Variants in CSMD3 observed in about 807,000 individuals in gnomAD.
The protein encoded by CSMD3 is CUB and Sushi multiple domains 3.
CSMD3 carries 177 observed loss-of-function variants against 435.2 expected under a neutral mutation model. The ratio of observed to expected loss-of-function variants is 0.41; its 90% confidence interval spans 0.36 to 0.46. The LOEUF (loss-of-function observed/expected upper bound fraction) is 0.46. Among genes scored for constraint, CSMD3 ranks in the 20% least tolerant of loss-of-function variants. CSMD3 has a pLI of 0.34. For missense variants in CSMD3, 4,265 were observed against 4,504.6 expected (o/e 0.95, Z 1.52); for synonymous variants, 1,656 against 1,520.5 (o/e 1.09, Z -2.07).
intron 51 of CSMD3, among the ~76,000 whole-genome samples, chr8:112,305,251 G>C (rs1281420166): frequency 6.6e-6 from 1 of 151,984 alleles, no homozygotes; most frequent in African/African-American, 2.4e-5. Context: ...GATGTGAATG[G>C]CCTTTTTGTG....
chr8:112,986,833 T>G (rs1009869563), intron 6 of CSMD3, among the ~76,000 whole-genome samples: 1 of 152,070 alleles, frequency 6.6e-6, no homozygotes, highest in Admixed American at 6.6e-5. Flanking sequence ...CTTTTTGACC[T>G]GTTAGTCTTT....
chr8:112,392,519 G>A lies in CSMD3; in HGVS notation c.5810-1731C>T, dbSNP rs557601344. On this transcript the variant is annotated intron_variant, in intron 35 of 70. Coordinates refer to ENST00000297405, the MANE Select transcript of CSMD3 (RefSeq NM_198123.2). ...CATGATTTGAGAATGACATGCAAAA[G>A]ACAGAGGAAGAAATTTAAAATATTC... Among the ~76,000 whole-genome samples the A allele has an allele frequency of 3.3e-5, 5 of 151,952 alleles. No individual in the cohort carries two copies. The East Asian group carries it at 7.7e-4, about 24-fold the overall frequency.
At chr8:112,525,809 TAC>T (rs1290746874) in intron 27 of CSMD3, among the ~76,000 whole-genome samples, 3 of 121,576 alleles carry the variant, frequency 2.5e-5, no homozygotes, top group South Asian at 2.4e-4. Flanking sequence ...TATATATATA[TAC>T]ACACACATAT....
chr8:112,405,214 C>CATATATATATATAT (rs71309768), intron 35 of CSMD3, among the ~76,000 whole-genome samples: 20 of 19,028 alleles, frequency 1.1e-3, no homozygotes, highest in Non-Finnish European at 1.5e-3. Flanking sequence ...AAAAAACCCC[C>CATATATATATATAT]ATATATATAT....
At chr8:112,869,613 C>T (rs560881685) in intron 10 of CSMD3, among the ~76,000 whole-genome samples, 19 of 152,106 alleles carry the variant, frequency 1.2e-4, no homozygotes, top group Non-Finnish European at 2.5e-4. Flanking sequence ...TTTGCAATAG[C>T]AAAGACTTGG....
intron 22 of CSMD3, among the ~76,000 whole-genome samples, chr8:112,602,434 C>T (rs530692266): frequency 7.2e-5 from 11 of 151,802 alleles, no homozygotes; most frequent in Non-Finnish European, 1.2e-4. Flanking sequence ...GGTGTGGTGG[C>T]GGGTGCCTGT....
At chr8:112,864,153 T>C (rs1322784278) in intron 10 of CSMD3, among the ~76,000 whole-genome samples, 1 of 152,212 alleles carries the variant, frequency 6.6e-6, no homozygotes, top group African/African-American at 2.4e-5. Context: ...CACAATATGC[T>C]GTATTATTTT....
intron 5 of CSMD3, among the ~76,000 whole-genome samples, chr8:113,084,164 A>T (rs2089668764): frequency 6.6e-6 from 1 of 152,162 alleles, no homozygotes; most frequent in Non-Finnish European, 1.5e-5. Flanking sequence ...AGAAAGCCAA[A>T]TTATCCTTGT....
intron 12 of CSMD3, among the ~76,000 whole-genome samples, chr8:112,814,427 C>T (rs564285707): frequency 9.0e-4 from 137 of 152,166 alleles, no homozygotes; most frequent in African/African-American, 3.3e-3. Flanking sequence ...TCAGTCTTAT[C>T]TTTATGTAGA....
intron 4 of CSMD3, among the ~76,000 whole-genome samples, chr8:113,148,124 A>G (rs1385679318): frequency 6.6e-6 from 1 of 151,716 alleles, no homozygotes; most frequent in Non-Finnish European, 1.5e-5. Flanking sequence ...GCATATTCTC[A>G]TTTCTAAAGA....
intron 17 of CSMD3, among the ~76,000 whole-genome samples, chr8:112,659,779 G>T (rs1049837072): frequency 6.6e-6 from 1 of 152,022 alleles, no homozygotes; most frequent in Non-Finnish European, 1.5e-5. Context: ...ATGTTTGTTG[G>T]TGTTATTGCT....
intron 9 of CSMD3, among the ~76,000 whole-genome samples, chr8:112,933,256 G>T (rs896974268): frequency 1.3e-5 from 2 of 152,048 alleles, no homozygotes; most frequent in Admixed American, 6.6e-5. Flanking sequence ...TCAGAATTGG[G>T]CTATAGATTC....
rs2093677347 is a variant in CSMD3, at chr8:113,290,306, TAAAG to T, written c.402-11606_402-11603del. Among the ~76,000 whole-genome samples, 5 of 151,796 alleles carry T rather than the reference TAAAG, an allele frequency of 3.3e-5. No homozygotes were observed. In the South Asian group the frequency reaches 1.0e-3, roughly 31 times the overall value. On this transcript the variant is annotated intron_variant, in intron 2 of 70. Transcript: ENST00000297405. ...ATAGTGATGATTAAAGATGTTTTGATAAAGAAACTACTATAGTTTCATCTAGACA... is the reference window on the plus strand; with the variant it reads ...ATAGTGATGATTAAAGATGTTTTGATAAACTACTATAGTTTCATCTAGACA...
intron 10 of CSMD3, among the ~76,000 whole-genome samples, chr8:112,873,741 G>C (rs543252911): frequency 6.6e-6 from 1 of 152,158 alleles, no homozygotes; most frequent in Non-Finnish European, 1.5e-5. Context: ...TTGTATTTCT[G>C]TGGGATCAGT....
chr8:112,482,231 T>C (rs1280229027), intron 31 of CSMD3, among the ~76,000 whole-genome samples: 1 of 152,200 alleles, frequency 6.6e-6, no homozygotes, highest in African/African-American at 2.4e-5. Context: ...AGAGTCATTC[T>C]ATGACAAAGT....
intron 10 of CSMD3, among the ~76,000 whole-genome samples, chr8:112,899,599 TTATATATATATATA>T (rs71309794): frequency 3.0e-5 from 3 of 100,026 alleles, no homozygotes; most frequent in Non-Finnish European, 4.0e-5. Context: ...CTTGTCTATT[TTATATATATATATA>T]TATATATATA....
intron 16 of CSMD3, among the ~76,000 whole-genome samples, chr8:112,670,985 G>A (rs996157539): frequency 6.6e-6 from 1 of 152,110 alleles, no homozygotes; most frequent in African/African-American, 2.4e-5. Context: ...TTGTCCAATA[G>A]CCAGTATATC....
At chr8:112,266,330 C>T (rs116834935) in intron 59 of CSMD3, among the ~76,000 whole-genome samples, 2 of 152,216 alleles carry the variant, frequency 1.3e-5, no homozygotes, top group African/African-American at 4.8e-5. Context: ...TTTTGCAGAG[C>T]AGGGATGGAA....
At chr8:112,237,427 T>C in intron 66 of CSMD3, 79 bp from the exon 67 acceptor site, 1 of 1,046,594 alleles carries the variant, frequency 9.6e-7, no homozygotes, top group South Asian at 1.3e-5. Flanking sequence ...TATTAGTTTA[T>C]TGAATAATGA....
Sources: allele counts gnomAD v4.1 joint callset (sites outside exome capture counted in the v4.1 genomes callset), GRCh38; gene constraint gnomAD v4.1.1; transcripts MANE v1.5; gene names NCBI Gene and HGNC (gene_info 2026-07-23, HGNC 2026-07-21).